EXT1: variants seen among roughly 807,000 people sequenced by gnomAD.
EXT1 encodes the protein exostosin-1.
A neutral mutation model predicts 82.5 loss-of-function variants in EXT1; 20 were observed. The observed-to-expected ratio is 0.24, with a 90% confidence interval of 0.17 to 0.35. EXT1 has a LOEUF of 0.35. EXT1 is among the 10% of genes least tolerant of loss of function. The pLI is 1.00. For synonymous variants in EXT1, 348 were observed against 350.8 expected, an observed-to-expected ratio of 0.99 and a Z score of 0.09; for missense variants, 757 against 936.5, an observed-to-expected ratio of 0.81 and a Z score of 2.50.
At chr8:117,894,441 T>C (rs1036199883) in intron 1 of EXT1, among the ~76,000 whole-genome samples, 1 of 152,056 alleles carries the variant, frequency 6.6e-6, no homozygotes, top group Non-Finnish European at 1.5e-5. Context: ...CAGCAGAAGG[T>C]TCCTAATCCC....
At chr8:118,068,686 A>T (rs1040238668) in intron 1 of EXT1, among the ~76,000 whole-genome samples, 6 of 152,310 alleles carry the variant, frequency 3.9e-5, no homozygotes, top group African/African-American at 1.4e-4. Context: ...ACCTGGATAT[A>T]TATTTCCTAT....
intron 1 of EXT1, among the ~76,000 whole-genome samples, chr8:118,009,226 C>T (rs1423710485): frequency 6.6e-6 from 1 of 152,214 alleles, no homozygotes; most frequent in Non-Finnish European, 1.5e-5. Context: ...GCCTCCCAGA[C>T]TAACATTCTC....
At chr8:118,037,837 T>G (rs1442914966) in intron 1 of EXT1, among the ~76,000 whole-genome samples, 9 of 113,724 alleles carry the variant, frequency 7.9e-5, no homozygotes, top group South Asian at 2.6e-4. Flanking sequence ...GTGTTTTTTG[T>G]TTTTTTTTTT....
intron 1 of EXT1, among the ~76,000 whole-genome samples, chr8:118,077,922 C>T (rs991115360): frequency 8.5e-5 from 13 of 152,226 alleles, no homozygotes; most frequent in African/African-American, 3.1e-4. Context: ...TACCAAAATG[C>T]TTCTGTTATA....
intron 1 of EXT1, among the ~76,000 whole-genome samples, chr8:118,074,334 G>C (rs1386635423): frequency 2.6e-5 from 4 of 152,182 alleles, no homozygotes; most frequent in African/African-American, 9.6e-5. Context: ...AAAGAGAAAG[G>C]GGCCAGCGAC....
At chr8:118,068,575 TG>T (rs748872260) in intron 1 of EXT1, among the ~76,000 whole-genome samples, 7 of 152,276 alleles carry the variant, frequency 4.6e-5, no homozygotes, top group Admixed American at 2.0e-4. Context: ...AGTGAGAACA[TG>T]CACAGCAGTT....
intron 1 of EXT1, among the ~76,000 whole-genome samples, chr8:117,880,009 TGA>T (rs1263423187): frequency 1.3e-5 from 2 of 152,206 alleles, no homozygotes; most frequent in Non-Finnish European, 2.9e-5. Flanking sequence ...CTGAAAATAA[TGA>T]GTTAGCCTTT....
At chr8:118,100,845 C>T (rs1817704623) in intron 1 of EXT1, among the ~76,000 whole-genome samples, 1 of 152,104 alleles carries the variant, frequency 6.6e-6, no homozygotes, top group Non-Finnish European at 1.5e-5. Context: ...AAGTATCTGA[C>T]TGCCCCAGGG....
intron 1 of EXT1, among the ~76,000 whole-genome samples, chr8:118,007,947 T>C (rs369503404): frequency 1.3e-5 from 2 of 152,118 alleles, no homozygotes; most frequent in African/African-American, 4.8e-5. Context: ...GGCACGCAGG[T>C]GGAAGGGAGA....
intron 1 of EXT1, among the ~76,000 whole-genome samples, chr8:118,063,142 T>C (rs1223392404): frequency 6.6e-6 from 1 of 152,026 alleles, no homozygotes; most frequent in African/African-American, 2.4e-5. Context: ...ACAAATTAGG[T>C]GGAAATTCAT....
In EXT1 at chr8:117,803,606, G is replaced by C. The variant is rs1823198983; in HGVS notation, c.2055+1116C>G. ...GATACCAAGATGGTGGGGTGTACAAGGACAAGCAGTGAAGTCCACAGACCC... is the reference window on the plus strand; with the variant it reads ...GATACCAAGATGGTGGGGTGTACAACGACAAGCAGTGAAGTCCACAGACCC... On this transcript the variant is annotated intron_variant, in intron 10 of 10. Coordinates refer to ENST00000378204, the MANE Select transcript of EXT1 (RefSeq NM_000127.3). Among the ~76,000 whole-genome samples, 4 of 152,134 alleles carry C rather than the reference G, an allele frequency of 2.6e-5. No homozygotes were observed. The South Asian group carries it at 8.3e-4, about 32-fold the overall frequency.
intron 3 of EXT1, among the ~76,000 whole-genome samples, chr8:117,832,905 C>T (rs184368616): frequency 6.6e-6 from 1 of 152,170 alleles, no homozygotes; most frequent in African/African-American, 2.4e-5. Flanking sequence ...TTGGAAGTTG[C>T]CGAGCTCAAT....
At chr8:118,098,528 G>A (rs951936592) in intron 1 of EXT1, among the ~76,000 whole-genome samples, 9 of 152,028 alleles carry the variant, frequency 5.9e-5, no homozygotes, top group South Asian at 2.1e-4. Flanking sequence ...AGGCCGAGGC[G>A]GACAGATCAC....
At chr8:117,804,921 G>C in intron 9 of EXT1, 28 bp from the exon 10 acceptor site, 1 of 1,612,348 alleles carries the variant, frequency 6.2e-7, no homozygotes, top group Non-Finnish European at 8.5e-7. Flanking sequence ...GGGTTTCACA[G>C]GGGGCCATTA....
chr8:117,996,106 G>A (rs1815534095), intron 1 of EXT1, among the ~76,000 whole-genome samples: 1 of 152,108 alleles, frequency 6.6e-6, no homozygotes, highest in Non-Finnish European at 1.5e-5. Flanking sequence ...AAGCAAGATT[G>A]CTGGCTCCAA....
intron 1 of EXT1, among the ~76,000 whole-genome samples, chr8:117,964,623 G>GTGTT (rs879779532): frequency 0.012 from 1,807 of 149,820 alleles, 18 homozygotes; most frequent in Non-Finnish European, 0.019. Context: ...GTGTGTGTGT[G>GTGTT]TGTTTGTTTG....
intron 1 of EXT1, among the ~76,000 whole-genome samples, chr8:117,992,274 C>T (rs1447571497): frequency 6.6e-6 from 1 of 151,726 alleles, no homozygotes; most frequent in East Asian, 1.9e-4. Context: ...GAATTACTGC[C>T]CCAACTTCGG....
At chr8:117,956,726 C>A (rs559705855) in intron 1 of EXT1, among the ~76,000 whole-genome samples, 1 of 152,176 alleles carries the variant, frequency 6.6e-6, no homozygotes. Flanking sequence ...AGATTACAGG[C>A]ATGAGCCACT....
intron 1 of EXT1, among the ~76,000 whole-genome samples, 189 bp from the exon 2 acceptor site, chr8:117,837,390 C>G (rs1179881025): frequency 2.0e-5 from 3 of 152,160 alleles, no homozygotes; most frequent in South Asian, 2.1e-4. Context: ...CATGAATCAT[C>G]ATGTTGGACA....
Sources: allele counts gnomAD v4.1 joint callset (sites outside exome capture counted in the v4.1 genomes callset), GRCh38; gene constraint gnomAD v4.1.1; transcripts MANE v1.5; gene names NCBI Gene and HGNC (gene_info 2026-07-23, HGNC 2026-07-21).